Variants in RP1L1 observed in about 807,000 individuals in gnomAD.
RP1L1 encodes RP1 like 1, also known as retinitis pigmentosa 1-like 1 protein.
Under a neutral mutation model 15.7 loss-of-function variants are expected in RP1L1, and 27 were observed. The observed-to-expected ratio is 1.72, with a 90% CI of 1.27 to 2.38. RP1L1 has a LOEUF of 2.38. Ranked by LOEUF, RP1L1 falls within the 30% of genes most tolerant of loss-of-function variation. The probability of loss-of-function intolerance (pLI) is 0.00; values close to 1 mark genes in which losing one functional copy is unlikely to be tolerated. For synonymous variants in RP1L1, 1,813 were observed against 1,276.7 expected (o/e 1.42, Z -8.96); for missense variants, 4,798 against 3,075.9 (o/e 1.56, Z -13.24).
chr8:10,622,146 A>C (rs1217233595), intron 2 of RP1L1, among the ~76,000 whole-genome samples: 2 of 151,990 alleles, frequency 1.3e-5, no homozygotes, highest in African/African-American at 2.4e-5. Context: ...ACATGGAGAA[A>C]CCCTGTCTCT....
At chr8:10,624,442 G>A (rs1299290671) in intron 1 of RP1L1, among the ~76,000 whole-genome samples, 1 of 152,222 alleles carries the variant, frequency 6.6e-6, no homozygotes, top group Non-Finnish European at 1.5e-5. Context: ...AAAAGGAATG[G>A]CATTGCAGGT....
At position 10,610,354 on chromosome 8, in the gene RP1L1, C is replaced by T; in HGVS notation, c.3744G>A (p.Gly1248=). The change falls in exon 4 of 4, where the codon GGG becomes GGA. Residue 1248 remains glycine (G), a synonymous_variant. Coordinates refer to ENST00000382483, the MANE Select transcript of RP1L1 (RefSeq NM_178857.6). ...RPDSRTYESP[G]DLENQQQCCF... ...AACACTGCTGTTGGTTTTCCAGATC[C>T]CCTGGGCTCTCATAAGTTCTTGAAT... The T allele has an allele frequency of 3.1e-6, 5 of 1,614,150 alleles. No homozygotes were observed. Among genetic ancestry groups the T allele is most frequent in the Non-Finnish European group, 4.2e-6 (5 of 1,180,046 alleles).
chr8:10,610,744 G>A lies in RP1L1; in HGVS notation c.3354C>T (p.Leu1118=), dbSNP rs1563123298. 1 of 1,613,462 alleles carries A rather than the reference G, an allele frequency of 6.2e-7. No individual in the cohort carries two copies. The part of the protein sequence containing the change: ...ARRLSCSAGA[L]ITCLASLQLF... ...ACTGCAGACTGGCCAGACAAGTAAT[G>A]AGGGCCCCGGCTGAGCAGCTGAGCC... is the stretch of plus-strand genomic sequence containing the variant. Residue 1118 remains leucine (L), a synonymous_variant, in exon 4 of 4, where the codon CTC becomes CTT. Coordinates refer to ENST00000382483, the MANE Select transcript of RP1L1 (RefSeq NM_178857.6).
rs748012026 is a variant in RP1L1, at chr8:10,609,258, G to A, written c.4840C>T (p.Arg1614Ter). 20 of 1,608,744 alleles carry A rather than the reference G, an allele frequency of 1.2e-5. No individual in the cohort carries two copies. The highest frequency in any genetic ancestry group is 5.5e-5 in the South Asian group (5 of 91,006). ...CGCTCAGAGAAGGCCGAGAGGTTTC[G>A]CAGGCCCCGGAGACGGTGTCTGCGC... ...QQRRHRLRGL[R>*]NLSAFSERTL... is the part of the protein sequence containing the mutation. The change falls in exon 4 of 4, where the codon CGA (arginine) becomes TGA (stop). Residue 1614 changes from arginine to a stop codon, truncating the protein, a stop_gained. Coordinates refer to ENST00000382483, the MANE Select transcript of RP1L1 (RefSeq NM_178857.6). LOFTEE classifies it low-confidence loss of function (END_TRUNC).
chr8:10,611,637 G>T lies in RP1L1; in HGVS notation c.2461C>A (p.His821Asn), dbSNP rs758811041. The change falls in exon 4 of 4, where the codon CAC becomes AAC. Residue 821 changes from histidine (H) to asparagine (N), a missense_variant. Coordinates refer to ENST00000382483, the MANE Select transcript of RP1L1 (RefSeq NM_178857.6). ...GGCTGTGAGCAGCAGTGGCTTCGGT[G>T]GGGGCCCACCGCCCCTTGCTCAGGC... The part of the protein sequence containing the change: ...GRPEQGAVGP[H>N]RSHCCSQPGT... 1 of 1,612,926 alleles carries T rather than the reference G, an allele frequency of 6.2e-7. No individual in the cohort carries two copies. The highest frequency in any genetic ancestry group is 1.1e-5 in the South Asian group (1 of 91,086).
In RP1L1 at chr8:10,612,100, C is replaced by T. The variant is rs1469326153; in HGVS notation, c.1998G>A (p.Arg666=). The T allele has an allele frequency of 1.9e-6, 3 of 1,613,812 alleles. No homozygotes were observed. The highest frequency in any genetic ancestry group is 2.5e-6 in the Non-Finnish European group (3 of 1,180,044). Residue 666 remains arginine, a synonymous_variant, in exon 4 of 4, where the codon AGG becomes AGA. Transcript: ENST00000382483. ...GGGTGTCCTTGCGGTAGTGAGAATG[C>T]CTGGGATGGCCTCTCGGGGCCACTC... ...LGRVAPRGHP[R]HSHYRKDTHS... is the part of the protein sequence containing the mutation.
At position 10,610,407 on chromosome 8, in the gene RP1L1, G is replaced by A. The variant is rs201440296; in HGVS notation, c.3691C>T (p.Pro1231Ser). 198 of 1,613,992 alleles carry A rather than the reference G, an allele frequency of 1.2e-4. No individual in the cohort carries two copies. The highest frequency in any genetic ancestry group is 4.9e-4 in the Middle Eastern group (3 of 6,062). Residue 1231 changes from proline to serine, a missense_variant, in exon 4 of 4, where the codon CCC (proline) becomes TCC (serine). Coordinates refer to ENST00000382483, the MANE Select transcript of RP1L1 (RefSeq NM_178857.6). ...GGCCTCTGGTTGGAGGTTTTCAGGG[G>A]CAGCTCTGTCCCCTGTGTCACCAGG... ...GTLVTQGTEL[P>S]LKTSNQRPDS...
At position 10,611,340 on chromosome 8, in the gene RP1L1, G is replaced by A. The variant is rs370774491; in HGVS notation, c.2758C>T (p.Arg920Trp). Residue 920 changes from arginine to tryptophan, a missense_variant, in exon 4 of 4, where the codon CGG (arginine) becomes TGG (tryptophan). Transcript: ENST00000382483. Reference protein sequence around the residue: ...RSSASQGAGSRGLSEEKTLRS... With the variant: ...RSSASQGAGSWGLSEEKTLRS... ...AAGGTCTTCTCCTCGGACAGCCCCCGAGACCCCGCACCCTGGCTGGCACTG... is the reference window on the plus strand; with the variant it reads ...AAGGTCTTCTCCTCGGACAGCCCCCAAGACCCCGCACCCTGGCTGGCACTG... 27 of 1,612,050 alleles carry A rather than the reference G, an allele frequency of 1.7e-5. No individual in the cohort carries two copies. The Middle Eastern group carries it at 9.9e-4, about 59-fold the overall frequency.
rs967971310 is a variant in RP1L1 at position 10,612,013 on chromosome 8, G to C, written c.2085C>G (p.Ala695=). The change falls in exon 4 of 4, where the codon GCC becomes GCG. Residue 695 remains alanine, a synonymous_variant. Coordinates refer to ENST00000382483, the MANE Select transcript of RP1L1 (RefSeq NM_178857.6). ...ATCGTGGCACTGAGCCATCCTGGCA[G>C]GCCCTTCGCCGCTCAGGAGGCCTCG... ...QVPRPPERRR[A]CQDGSVPRYS... is the part of the protein sequence containing the mutation. 1 of 1,613,768 alleles carries C rather than the reference G, an allele frequency of 6.2e-7. No homozygotes were observed. Among genetic ancestry groups the C allele is most frequent in the East Asian group, 2.2e-5 (1 of 44,882 alleles).
At position 10,611,421 on chromosome 8, in the gene RP1L1, G is replaced by A. The variant is rs765529629; in HGVS notation, c.2677C>T (p.Arg893Cys). The change falls in exon 4 of 4, where the codon CGC becomes TGC. Residue 893 changes from arginine to cysteine, a missense_variant. By Grantham distance (180) the Arg-to-Cys change is radical (BLOSUM62 -3). Transcript: ENST00000382483. ...GPGGSPQEGT[R>C]QPGPTPSPGP... is the part of the protein sequence containing the mutation. ...GGGGACGGCGTGGGGCCTGGCTGGC[G>A]TGTCCCCTCCTGCGGGCTCCCACCT... 4.2e-5 allele frequency: 67 copies of A among 1,586,818 alleles called. No individual in the cohort carries two copies. Among genetic ancestry groups the A allele is most frequent in the Middle Eastern group, 1.7e-4 (1 of 6,044 alleles).
intron 1 of RP1L1, among the ~76,000 whole-genome samples, chr8:10,653,154 C>G (rs1469322658): frequency 2.0e-5 from 3 of 152,194 alleles, no homozygotes; most frequent in Non-Finnish European, 4.4e-5. Flanking sequence ...TTCAATGACA[C>G]AGGTCTCTTG....
chr8:10,637,850 G>C (rs1798352502), intron 1 of RP1L1, among the ~76,000 whole-genome samples: 1 of 152,240 alleles, frequency 6.6e-6, no homozygotes, highest in Admixed American at 6.5e-5. Flanking sequence ...GATGCTCAGA[G>C]ATCTGAAAGG....
Position 10,622,785 on chromosome 8 carries a change from T to C in RP1L1, c.417A>G (p.Pro139=), listed in dbSNP as rs1332692698. The C allele has an allele frequency of 2.5e-6, 4 of 1,613,880 alleles. No individual in the cohort carries two copies. The highest frequency in any genetic ancestry group is 3.4e-6 in the Non-Finnish European group (4 of 1,179,930). Residue 139 remains proline (P), a synonymous_variant, in exon 2 of 4, where the codon CCA becomes CCG. Transcript: ENST00000382483. ...LRDVEGQREA[P]GTSSSRKSLK... is the part of the protein sequence containing the mutation. Reference sequence around the variant, plus strand: ...GACTCTTCCGGGAGGAGGAGGTGCCTGGGGCTTCACGCTGGCCTTCGACAT... The same window carrying C: ...GACTCTTCCGGGAGGAGGAGGTGCCCGGGGCTTCACGCTGGCCTTCGACAT...
rs748580769 is a variant in RP1L1 at position 10,612,935 on chromosome 8, C to T, written c.1163G>A (p.Arg388Lys). The change falls in exon 4 of 4, where the codon AGG becomes AAG. Residue 388 changes from arginine to lysine, a missense_variant. By Grantham distance (26) the Arg-to-Lys change is conservative (BLOSUM62 2). Transcript: ENST00000382483. ...GCCAAAGACTTCCCTGCATCCCACC[C>T]TGCAGGGCCGGGGTCCCCACACCCC... ...EPGVWGPRPC[R>K]VGCREVFGRG... 1.2e-6 allele frequency: 2 copies of T among 1,612,596 alleles called. No homozygotes were observed. The highest frequency in any genetic ancestry group is 1.1e-5 in the South Asian group (1 of 91,058).
At chr8:10,622,098 G>C (rs1315860897) in intron 2 of RP1L1, among the ~76,000 whole-genome samples, 2 of 152,168 alleles carry the variant, frequency 1.3e-5, no homozygotes, top group Non-Finnish European at 2.9e-5. Context: ...GAATCGGGCA[G>C]ATCACCTGAG....
rs1797745467 is a variant in RP1L1 at position 10,608,091 on chromosome 8, G to C, written c.6007C>G (p.Pro2003Ala). ...TCTTGCATCTCCCCTTCAGCCTCTG[G>C]GGCCTCTACATCTTCTGACTCTGGC... is the stretch of plus-strand genomic sequence containing the variant. ...AQPESEDVEA[P>A]EAEGEMQEAE... The change falls in exon 4 of 4, where the codon CCA becomes GCA. Residue 2003 changes from proline (P) to alanine (A), a missense_variant. By Grantham distance (27) the Pro-to-Ala change is conservative (BLOSUM62 -1). Transcript: ENST00000382483. 6.2e-7 allele frequency: 1 copy of C among 1,610,710 alleles called. No individual in the cohort carries two copies.
At chr8:10,644,704 A>G (rs1252183434) in intron 1 of RP1L1, among the ~76,000 whole-genome samples, 4 of 152,186 alleles carry the variant, frequency 2.6e-5, no homozygotes, top group African/African-American at 9.7e-5. Flanking sequence ...CACCAGGAGG[A>G]GCCCTGAAGC....
intron 1 of RP1L1, among the ~76,000 whole-genome samples, chr8:10,643,353 T>A (rs116668714): frequency 0.016 from 2,473 of 152,150 alleles, 56 homozygotes; most frequent in African/African-American, 0.057. Context: ...AAAAAAATTG[T>A]TTTAGTATCA....
chr8:10,622,893 G>C lies in RP1L1; in HGVS notation c.309C>G (p.Leu103=), dbSNP rs758354422. Residue 103 remains leucine, a synonymous_variant, in exon 2 of 4, where the codon CTC becomes CTG. Coordinates refer to ENST00000382483, the MANE Select transcript of RP1L1 (RefSeq NM_178857.6). ...TCTTGGGGGGCTTCTTATCAGAGCA[G>C]AGGTAGCAGCCTCCATCTTCCAGCT... The part of the protein sequence containing the change: ...LEQLEDGGCY[L]CSDKKPPKTP... The C allele has an allele frequency of 7.4e-6, 12 of 1,613,736 alleles. No individual in the cohort carries two copies. The South Asian group carries it at 1.2e-4, about 16-fold the overall frequency.
Sources: allele counts gnomAD v4.1 joint callset (sites outside exome capture counted in the v4.1 genomes callset), GRCh38; gene constraint gnomAD v4.1.1; transcripts MANE v1.5; gene names NCBI Gene and HGNC (gene_info 2026-07-23, HGNC 2026-07-21).